ZFYVE16: variants seen among roughly 807,000 people sequenced by gnomAD.
The protein encoded by ZFYVE16 is zinc finger FYVE domain-containing protein 16.
In ZFYVE16, 89 loss-of-function variants were observed where a neutral mutation model predicts 138.1. The observed-to-expected ratio is 0.64, with a 90% confidence interval of 0.54 to 0.77. The LOEUF is 0.77. Among genes scored for constraint, ZFYVE16 ranks in the 30% least tolerant of loss-of-function variants. The pLI is 0.00. For synonymous variants in ZFYVE16, 596 were observed against 618.3 expected (o/e 0.96, Z 0.53); for missense variants, 1,793 against 1,786.7 (o/e 1.00, Z -0.06).
intron 11 of ZFYVE16, chr5:80,455,030 C>T (rs533417743): frequency 6.6e-6 from 1 of 152,278 alleles, no homozygotes; most frequent in South Asian, 2.1e-4. Flanking sequence ...AGATGAAATA[C>T]TCTCGAATCA....
rs1015126568 is a variant in ZFYVE16 at position 80,429,266 on chromosome 5, A to G, written c.-40+1721A>G. Among the ~76,000 whole-genome samples, 174 of 152,370 alleles carry G rather than the reference A, an allele frequency of 1.1e-3. 1 individual carries two copies. The highest frequency in any genetic ancestry group is 3.9e-3 in the African/African-American group (164 of 41,592). ...ATTAACAGCTGATCTCTCAGCAGAA[A>G]CTCTACAAGCCAGGAGTGGGGGCCA... On this transcript the variant is annotated intron_variant, in intron 2 of 18. Coordinates refer to ENST00000505560, the MANE Select transcript of ZFYVE16 (RefSeq NM_001284236.3).
At chr5:80,440,206 CAATT>C (rs1561281771) in intron 5 of ZFYVE16, 174 bp downstream of exon 5, 1 of 1,224,816 alleles carries the variant, frequency 8.2e-7, no homozygotes. Flanking sequence ...TCCACTCTCA[CAATT>C]AATACTACCA....
intron 6 of ZFYVE16, 89 bp from the exon 7 acceptor site, chr5:80,445,174 A>C: frequency 1.4e-6 from 2 of 1,478,530 alleles, no homozygotes; most frequent in Middle Eastern, 1.9e-4. Flanking sequence ...GATAGCAAAA[A>C]GCTTTTGAAA....
rs142382842 is a variant in ZFYVE16 at position 80,436,904 on chromosome 5, T to C, written c.219T>C (p.Tyr73=). ...VNSCASSETS[Y]GTNESSLNEK... Reference sequence around the variant, plus strand: ...GTTGTGCCTCATCAGAAACAAGCTATGGAACAAATGAGAGTTCCCTGAATG... The same window carrying C: ...GTTGTGCCTCATCAGAAACAAGCTACGGAACAAATGAGAGTTCCCTGAATG... Residue 73 remains tyrosine, a synonymous_variant, in exon 4 of 19, where the codon TAT becomes TAC. Transcript: ENST00000505560. The C allele has an allele frequency of 5.3e-5, 85 of 1,614,166 alleles. No homozygotes were observed. The African/African-American group carries it at 1.0e-3, about 19-fold the overall frequency.
Position 80,437,667 on chromosome 5 carries a change from G to T in ZFYVE16, c.982G>T (p.Asp328Tyr). 1 of 1,611,904 alleles carries T rather than the reference G, an allele frequency of 6.2e-7. No homozygotes were observed. The highest frequency in any genetic ancestry group is 8.5e-7 in the Non-Finnish European group (1 of 1,179,374). Residue 328 changes from aspartate to tyrosine, a missense_variant, in exon 4 of 19, where the codon GAC becomes TAC. Physicochemically the swap from Asp to Tyr is radical, Grantham distance 160 (BLOSUM62 -3). Coordinates refer to ENST00000505560, the MANE Select transcript of ZFYVE16 (RefSeq NM_001284236.3). ...AAGAGATGAAAATTTCAAATTACCT[G>T]ACTTTTCCTTTCAGGAAGATAAGAC... is the stretch of plus-strand genomic sequence containing the variant. Reference protein sequence around the residue: ...NSRDENFKLPDFSFQEDKTVI... With the variant: ...NSRDENFKLPYFSFQEDKTVI...
intron 11 of ZFYVE16, chr5:80,454,789 C>G (rs1013832829): frequency 6.6e-6 from 1 of 152,230 alleles, no homozygotes; most frequent in African/African-American, 2.4e-5. Context: ...GGATGACAGG[C>G]GTGAGCCACC....
chr5:80,433,381 G>A (rs1398320572), intron 2 of ZFYVE16, among the ~76,000 whole-genome samples: 1 of 152,134 alleles, frequency 6.6e-6, no homozygotes, highest in East Asian at 1.9e-4. Context: ...GTTGGGAATT[G>A]AACAATGAGA....
At chr5:80,453,395 ACTAG>A (rs1347004070) in intron 11 of ZFYVE16, among the ~76,000 whole-genome samples, 1 of 152,180 alleles carries the variant, frequency 6.6e-6, no homozygotes, top group Non-Finnish European at 1.5e-5. Flanking sequence ...AGGGGAATAA[ACTAG>A]CTAATCAAAT....
intron 6 of ZFYVE16, among the ~76,000 whole-genome samples, chr5:80,444,213 T>A (rs1313293837): frequency 1.3e-5 from 2 of 152,124 alleles, no homozygotes; most frequent in East Asian, 3.8e-4. Context: ...TATAATGAAA[T>A]AAGGAGACTC....
Position 80,451,608 on chromosome 5 carries a change from G to A in ZFYVE16, c.3506G>A (p.Ser1169Asn). Residue 1169 changes from serine (S) to asparagine (N), a missense_variant, in exon 11 of 19, where the codon AGT (serine) becomes AAT (asparagine). Ser to Asn is a conservative substitution (Grantham distance 46). This residue lies in a region of ZFYVE16 where 498 missense variants were observed against 582.4 expected (regional missense o/e 0.86). Transcript: ENST00000505560. ...AAACTTGATGATCTCTCATTACCAA[G>A]TAATCCTTTTCTTTGTGGAATTCTT... ...FQKLDDLSLP[S>N]NPFLCGILIQ... is the part of the protein sequence containing the mutation. 6.2e-7 allele frequency: 1 copy of A among 1,613,864 alleles called. No individual in the cohort carries two copies. The highest frequency in any genetic ancestry group is 8.5e-7 in the Non-Finnish European group (1 of 1,179,918).
chr5:80,408,327 G>A (rs1744909967), intron 1 of ZFYVE16, among the ~76,000 whole-genome samples, 174 bp downstream of exon 1: 2 of 152,234 alleles, frequency 1.3e-5, no homozygotes, highest in Admixed American at 6.5e-5. Context: ...AGCTGGCCGG[G>A]GAACCCTGGC....
At chr5:80,411,993 C>T (rs1338794685) in intron 1 of ZFYVE16, among the ~76,000 whole-genome samples, 1 of 152,154 alleles carries the variant, frequency 6.6e-6, no homozygotes, top group Non-Finnish European at 1.5e-5. Flanking sequence ...GGATCTCACT[C>T]TGTTGTCCAG....
intron 14 of ZFYVE16, among the ~76,000 whole-genome samples, chr5:80,458,290 T>G (rs1752746066): frequency 6.6e-6 from 1 of 152,066 alleles, no homozygotes; most frequent in South Asian, 2.1e-4. Context: ...TTATTAATAT[T>G]TATAGTGAAA....
chr5:80,427,609 G>GTTTTTT (rs1748273413), intron 2 of ZFYVE16, 64 bp downstream of exon 2: 2 of 22,384 alleles, frequency 8.9e-5, no homozygotes, highest in Non-Finnish European at 2.0e-4. Flanking sequence ...TCTGTCGTAT[G>GTTTTTT]CTTTTTTTTT....
intron 11 of ZFYVE16, chr5:80,452,433 CAAAAAAAAAAAA>C (rs59341952): frequency 2.0e-4 from 13 of 65,634 alleles, no homozygotes; most frequent in East Asian, 5.7e-4. Flanking sequence ...GACTACGTCT[CAAAAAAAAAAAA>C]AAAAAAAAAA....
chr5:80,447,957 T>A, intron 7 of ZFYVE16, 69 bp from the exon 8 acceptor site: 1 of 1,338,326 alleles, frequency 7.5e-7, no homozygotes, highest in Non-Finnish European at 1.0e-6. Flanking sequence ...TTGGCTATAG[T>A]GATCTCATTT....
At chr5:80,456,341 T>G (rs1033862469) in intron 12 of ZFYVE16, 120 bp from the exon 13 acceptor site, 26 of 781,678 alleles carry the variant, frequency 3.3e-5, no homozygotes, top group Non-Finnish European at 5.2e-5. Context: ...TACTACAAAG[T>G]TTTTCCTGAG....
At chr5:80,424,204 C>G (rs1234787386) in intron 1 of ZFYVE16, among the ~76,000 whole-genome samples, 1 of 152,030 alleles carries the variant, frequency 6.6e-6, no homozygotes, top group Non-Finnish European at 1.5e-5. Flanking sequence ...ACCTTGGCCT[C>G]CCAAATTCTT....
Position 80,417,340 on chromosome 5 carries a change from C to G in ZFYVE16, c.-94+9187C>G, listed in dbSNP as rs186168301. Among the ~76,000 whole-genome samples, 947 of 152,252 alleles carry G rather than the reference C, an allele frequency of 6.2e-3. 9 individuals are homozygous for G. Among genetic ancestry groups the G allele is most frequent in the African/African-American group, 0.021 (875 of 41,542 alleles). ...TAGTTAGACTTTTTGTCGCAGTCTG[C>G]ATGCCAATCTAGGATCCCCCATTCT... On this transcript the variant is annotated intron_variant, in intron 1 of 18. Coordinates refer to ENST00000505560, the MANE Select transcript of ZFYVE16 (RefSeq NM_001284236.3).
Sources: gnomAD v4.1 joint callset for allele counts (sites outside exome capture counted in the v4.1 genomes callset) on GRCh38, gnomAD v4.1.1 for gene constraint, gnomAD v4.1.1 regional missense constraint, MANE v1.5 for transcripts, NCBI Gene and HGNC (gene_info 2026-07-23, HGNC 2026-07-21) for gene names.